CHD9: variants seen among roughly 807,000 people sequenced by gnomAD.
The protein encoded by CHD9 is ATP-dependent chromatin remodeler CHD9.
A neutral mutation model predicts 316.1 loss-of-function variants in CHD9; 77 were observed. That is an observed-to-expected ratio of 0.24 (90% CI 0.20 to 0.29). The LOEUF (loss-of-function observed/expected upper bound fraction) is 0.29, where lower values mean the gene tolerates loss of function less well. CHD9 is among the 10% of genes least tolerant of loss of function. The pLI is 1.00. For missense variants in CHD9, 2,763 were observed against 3,438.1 expected, an observed-to-expected ratio of 0.80 and a Z score of 4.91; for synonymous variants, 1,129 against 1,158.3, an observed-to-expected ratio of 0.97 and a Z score of 0.51.
intron 27 of CHD9, among the ~76,000 whole-genome samples, chr16:53,288,880 G>A (rs2054105183): frequency 6.6e-6 from 1 of 151,598 alleles, no homozygotes; most frequent in South Asian, 2.1e-4. Flanking sequence ...AGCCCTCAGT[G>A]TAATATAAAA....
At position 53,173,110 on chromosome 16, in the gene CHD9, TAGA is replaced by T. The variant is rs1158151238; in HGVS notation, c.1452+15572_1452+15574del. 5.3e-5 allele frequency among the ~76,000 whole-genome samples: 8 copies of T among 152,352 alleles called. No individual in the cohort carries two copies. The South Asian group carries it at 1.2e-3, about 24-fold the overall frequency. ...GAAGATTTTCTCTTATGTTTTCATG[TAGA>T]AGTTCTGTGTTTTTCTTAAATGTTG... On this transcript the variant is annotated intron_variant, in intron 2 of 38. Coordinates refer to ENST00000447540, the MANE Select transcript of CHD9 (RefSeq NM_001308319.2).
intron 1 of CHD9, among the ~76,000 whole-genome samples, chr16:53,069,293 C>T (rs138043724): frequency 4.6e-5 from 7 of 152,308 alleles, no homozygotes; most frequent in African/African-American, 1.4e-4. Context: ...CATGAGCCAC[C>T]GCGCCCAGCC....
intron 19 of CHD9, among the ~76,000 whole-genome samples, chr16:53,261,392 G>GTTTTTTT (rs2051112404): frequency 1.0e-5 from 1 of 95,390 alleles, no homozygotes; most frequent in Non-Finnish European, 2.3e-5. Flanking sequence ...TTTTAGACAG[G>GTTTTTTT]TTCTTGTTTT....
chr16:53,307,635 T>A (rs755443120), intron 32 of CHD9, 46 bp from the exon 33 acceptor site: 68 of 1,515,670 alleles, frequency 4.5e-5, no homozygotes, highest in Admixed American at 6.2e-5. Flanking sequence ...TCCAAAGGTC[T>A]GATCTAATTA....
chr16:53,263,934 G>A (rs956233397), intron 20 of CHD9, among the ~76,000 whole-genome samples: 5 of 151,938 alleles, frequency 3.3e-5, no homozygotes, highest in Non-Finnish European at 7.4e-5. Flanking sequence ...TGAGTTTAGT[G>A]AATTAACTGG....
rs770289729 is a variant in CHD9, at chr16:53,156,946, T to C, written c.857T>C (p.Leu286Pro). Residue 286 changes from leucine to proline, a missense_variant, in exon 2 of 39, where the codon CTA becomes CCA. By Grantham distance (98) the Leu-to-Pro change is moderately conservative. Around this residue, in one of 15 missense-constraint regions of CHD9, gnomAD observed 859 missense variants for 890.4 expected, o/e 0.96. Transcript: ENST00000447540. ...FSSNHISPNS[L>P]LQSSAVLASN... ...AGTAATCATATATCACCAAACAGTCTACTTCAGTCCTCTGCAGTTCTTGCA... is the reference window on the plus strand; with the variant it reads ...AGTAATCATATATCACCAAACAGTCCACTTCAGTCCTCTGCAGTTCTTGCA... 6.2e-7 allele frequency: 1 copy of C among 1,613,562 alleles called. No homozygotes were observed. Among genetic ancestry groups the C allele is most frequent in the Non-Finnish European group, 8.5e-7 (1 of 1,179,640 alleles).
chr16:53,294,784 A>G (rs2054634999), intron 29 of CHD9, among the ~76,000 whole-genome samples: 1 of 152,154 alleles, frequency 6.6e-6, no homozygotes, highest in African/African-American at 2.4e-5. Flanking sequence ...GTGGCAAAGC[A>G]TTTGTGACCA....
intron 1 of CHD9, among the ~76,000 whole-genome samples, chr16:53,076,982 GTTTA>G: frequency 6.7e-6 from 1 of 149,240 alleles, no homozygotes; most frequent in African/African-American, 2.5e-5. Context: ...GCCCAACTAA[GTTTA>G]TTTGTTTTGT....
chr16:53,211,453 G>T (rs1270590000), intron 3 of CHD9, among the ~76,000 whole-genome samples: 1 of 152,024 alleles, frequency 6.6e-6, no homozygotes, highest in Non-Finnish European at 1.5e-5. Flanking sequence ...TTTTAATATT[G>T]CACAACATTG....
At chr16:53,313,953 CAA>C (rs368259661) in intron 34 of CHD9, among the ~76,000 whole-genome samples, 2 of 88,838 alleles carry the variant, frequency 2.3e-5, no homozygotes, top group Non-Finnish European at 2.4e-5. Flanking sequence ...ACTCCGTCTC[CAA>C]AAAAAAAAAA....
chr16:53,286,542 C>T (rs1328959441), intron 26 of CHD9, among the ~76,000 whole-genome samples, 199 bp downstream of exon 26: 1 of 152,194 alleles, frequency 6.6e-6, no homozygotes, highest in Non-Finnish European at 1.5e-5. Flanking sequence ...GGACCTGCCC[C>T]ACACCCATTC....
chr16:53,155,597 A>G (rs1044743835), intron 1 of CHD9, among the ~76,000 whole-genome samples: 2 of 152,212 alleles, frequency 1.3e-5, no homozygotes, highest in Non-Finnish European at 2.9e-5. Context: ...GGCTTTTAGC[A>G]TACTCAGAGT....
chr16:53,086,748 G>C (rs991557045), intron 1 of CHD9, among the ~76,000 whole-genome samples: 2 of 152,148 alleles, frequency 1.3e-5, no homozygotes, highest in Non-Finnish European at 2.9e-5. Context: ...TCAGGTAGGC[G>C]GAATGAACCC....
At chr16:53,235,375 G>T in intron 11 of CHD9, 69 bp downstream of exon 11, 1 of 1,108,608 alleles carries the variant, frequency 9.0e-7, no homozygotes, top group South Asian at 1.7e-5. Flanking sequence ...AAGTAAAATA[G>T]ATACTGTTGT....
chr16:53,057,930 C>T (rs1344037314), intron 1 of CHD9, among the ~76,000 whole-genome samples: 1 of 152,062 alleles, frequency 6.6e-6, no homozygotes, highest in East Asian at 1.9e-4. Context: ...TTTGAAATGG[C>T]CCCAAGTGTA....
chr16:53,135,425 C>T (rs2039641953), intron 1 of CHD9, among the ~76,000 whole-genome samples: 1 of 152,012 alleles, frequency 6.6e-6, no homozygotes, highest in South Asian at 2.1e-4. Flanking sequence ...TACAGTAGTC[C>T]AGGAAAAACA....
rs1314874482 is a variant in CHD9 at position 53,235,280 on chromosome 16, C to T, written c.2607C>T (p.Asn869=). 1 of 1,548,400 alleles carries T rather than the reference C, an allele frequency of 6.5e-7. No individual in the cohort carries two copies. Among genetic ancestry groups the T allele is most frequent in the Non-Finnish European group, 8.7e-7 (1 of 1,144,138 alleles). The change falls in exon 11 of 39, where the codon AAC becomes AAT. Residue 869 remains asparagine, a synonymous_variant. Coordinates refer to ENST00000447540, the MANE Select transcript of CHD9 (RefSeq NM_001308319.2). ...QLREYQLEGL[N]WLLFNWYNRR... ...GGGAATATCAACTGGAAGGACTCAA[C>T]TGGCTCTTGTTCAATTGGTACAATA...
At chr16:53,199,987 G>A (rs1161443446) in intron 2 of CHD9, among the ~76,000 whole-genome samples, 1 of 152,134 alleles carries the variant, frequency 6.6e-6, no homozygotes, top group African/African-American at 2.4e-5. Flanking sequence ...TGTAATCCTA[G>A]CACTTTGGGA....
Position 53,308,845 on chromosome 16 carries a change from C to A in CHD9, c.7213C>A (p.Pro2405Thr), listed in dbSNP as rs780931462. The A allele has an allele frequency of 3.1e-6, 5 of 1,612,224 alleles. No individual in the cohort carries two copies. In the South Asian group the frequency reaches 3.3e-5, roughly 11 times the overall value. ...TSLVNFPKSI[P>T]VSGTSIQPTL... ...CCTCGTCAATTTCCCAAAATCCATA[C>A]CAGTATCAGGTGAATATGCAAGTAA... is the stretch of plus-strand genomic sequence containing the variant. Residue 2405 changes from proline (P) to threonine (T), a missense_variant, in exon 34 of 39, where the codon CCA (proline) becomes ACA (threonine). Coordinates refer to ENST00000447540, the MANE Select transcript of CHD9 (RefSeq NM_001308319.2).
Sources: gnomAD v4.1 joint callset for allele counts (sites outside exome capture counted in the v4.1 genomes callset) on GRCh38, gnomAD v4.1.1 for gene constraint, gnomAD v4.1.1 regional missense constraint, MANE v1.5 for transcripts, NCBI Gene and HGNC (gene_info 2026-07-23, HGNC 2026-07-21) for gene names.